Variants in TCHP observed in about 807,000 individuals in gnomAD.
TCHP encodes the protein trichoplein keratin filament binding, also known as trichoplein keratin filament-binding protein.
A neutral mutation model predicts 88.7 loss-of-function variants in TCHP; 81 were observed. That is an observed-to-expected ratio of 0.91 (90% CI 0.76 to 1.10). The LOEUF is 1.10. Ranked by LOEUF, TCHP falls within the 50% of genes least tolerant of loss-of-function variation. TCHP has a pLI of 0.00. For synonymous variants in TCHP, 232 were observed against 232.5 expected (o/e 1.00, Z 0.02); for missense variants, 641 against 632.1 (o/e 1.01, Z -0.15).
intron 5 of TCHP, among the ~76,000 whole-genome samples, chr12:109,907,017 G>T (rs138767627): frequency 6.6e-6 from 1 of 152,266 alleles, no homozygotes; most frequent in Non-Finnish European, 1.5e-5. Flanking sequence ...AGCCTCCCGA[G>T]TAGCTAGGAC....
upstream of TCHP, among the ~76,000 whole-genome samples, chr12:109,895,715 C>A (rs572988174): frequency 6.6e-6 from 1 of 152,116 alleles, no homozygotes; most frequent in African/African-American, 2.4e-5. Context: ...TGGCATTGTG[C>A]GGCTTCCAGT....
chr12:109,894,462 CAAAAAAAA>C, the TCHP span, among the ~76,000 whole-genome samples: 4,530 of 107,864 alleles, frequency 0.042, 160 homozygotes, highest in African/African-American at 0.11. Context: ...GACTCCGTCT[CAAAAAAAA>C]AAAAGAAAAA....
At chr12:109,890,865 C>G in the TCHP span, among the ~76,000 whole-genome samples, 1 of 152,164 alleles carries the variant, frequency 6.6e-6, no homozygotes, top group Non-Finnish European at 1.5e-5. Context: ...TCTCTCAGAC[C>G]AGGCTTTGCC....
At chr12:109,904,814 T>C (rs932054503) in intron 4 of TCHP, 21 bp downstream of exon 4, 7 of 1,601,336 alleles carry the variant, frequency 4.4e-6, no homozygotes, top group East Asian at 2.2e-5. Flanking sequence ...GAGATCTCCA[T>C]TGATTTATCT....
chr12:109,892,962 G>A, the TCHP span, among the ~76,000 whole-genome samples: 8,023 of 152,164 alleles, frequency 0.053, 312 homozygotes, highest in East Asian at 0.12. Flanking sequence ...TCACTATCAC[G>A]CTGGCTCTGC....
Position 109,904,781 on chromosome 12 carries a change from G to T in TCHP, c.444G>T (p.Pro148=), listed in dbSNP as rs139923209. The T allele has an allele frequency of 6.2e-7, 1 of 1,613,254 alleles. No homozygotes were observed. The highest frequency in any genetic ancestry group is 8.5e-7 in the Non-Finnish European group (1 of 1,179,692). The change falls in exon 4 of 13, where the codon CCG becomes CCT. Residue 148 remains proline, a synonymous_variant. Transcript: ENST00000405876. ...ACGAACACTGGAAAAAGAACAACCC[G>T]AAACTTCGAGAGGTGAAAATCAGAG... ...LLYEHWKKNN[P]KLREMELDLH... is the part of the protein sequence containing the mutation.
At chr12:109,900,841 A>C (rs536992494) in intron 1 of TCHP, 1 of 152,408 alleles carries the variant, frequency 6.6e-6, no homozygotes, top group African/African-American at 2.4e-5. Context: ...GAGGACCTCC[A>C]GAATGAGATT....
At chr12:109,913,545 G>A (rs1565913510) in intron 10 of TCHP, among the ~76,000 whole-genome samples, 2 of 152,202 alleles carry the variant, frequency 1.3e-5, no homozygotes, top group Admixed American at 1.3e-4. Flanking sequence ...AGAGCCTCTT[G>A]GTGCCTGAGG....
the TCHP span, among the ~76,000 whole-genome samples, chr12:109,882,417 G>A: frequency 2.1e-5 from 3 of 142,950 alleles, no homozygotes; most frequent in African/African-American, 5.4e-5. Context: ...CAGAGCGAGC[G>A]AGACTCCGTC....
intron 9 of TCHP, among the ~76,000 whole-genome samples, chr12:109,911,619 A>AG (rs2136079356): frequency 6.6e-6 from 1 of 150,942 alleles, no homozygotes; most frequent in East Asian, 2.0e-4. Context: ...CTCAAAAAAA[A>AG]AAAAAAAAAA....
intron 12 of TCHP, 89 bp downstream of exon 12, chr12:109,915,635 C>A: frequency 7.0e-7 from 1 of 1,428,648 alleles, no homozygotes. Flanking sequence ...CGCCCCGCGC[C>A]GGGGTCTGCT....
In TCHP at chr12:109,908,931, G is replaced by A. The variant is rs935299798; in HGVS notation, c.873G>A (p.Glu291=). 1 of 1,614,204 alleles carries A rather than the reference G, an allele frequency of 6.2e-7. No homozygotes were observed. The highest frequency in any genetic ancestry group is 1.3e-5 in the African/African-American group (1 of 75,064). The change falls in exon 8 of 13, where the codon GAG becomes GAA. Residue 291 remains glutamate (E), a synonymous_variant. Transcript: ENST00000405876. ...GCAGACGCACACAGCAGATCCAAGA[G>A]GAGCTGGTAAGTCTGAAGAGACAGC... The part of the protein sequence containing the change: ...QLSRRTQQIQ[E]ELEADRRILQ...
At position 109,917,331 on chromosome 12, in the gene TCHP, A is replaced by G. The variant is rs1230073372; in HGVS notation, c.*708A>G. ...TTACTAAGCCCCAAAACGAACTTCAAACTGGGTGTGGTGGCACGTGCCTTT... is the reference window on the plus strand; with the variant it reads ...TTACTAAGCCCCAAAACGAACTTCAGACTGGGTGTGGTGGCACGTGCCTTT... On this transcript the variant is annotated 3_prime_UTR_variant, in exon 13 of 13. Coordinates refer to ENST00000405876, the MANE Select transcript of TCHP (RefSeq NM_001143852.2). 6.6e-6 allele frequency: 1 copy of G among 152,152 alleles called. No homozygotes were observed. Among genetic ancestry groups the G allele is most frequent in the Non-Finnish European group, 1.5e-5 (1 of 68,048 alleles). The allele number at this position is 152,152 out of a possible 1,614,324, so 9.4% of individuals were successfully genotyped here. A position where few individuals can be genotyped will look rare whatever the true frequency, so the allele number is the denominator to read the frequency against.
intron 4 of TCHP, 97 bp downstream of exon 4, chr12:109,904,890 CAGA>C: frequency 8.6e-7 from 1 of 1,162,732 alleles, no homozygotes; most frequent in East Asian, 2.4e-5. Context: ...CGGGTTGAAA[CAGA>C]GGAGGGAACC....
chr12:109,915,635 C>T (rs549244654), intron 12 of TCHP, 89 bp downstream of exon 12: 72 of 1,428,650 alleles, frequency 5.0e-5, no homozygotes, highest in Non-Finnish European at 5.7e-5. Context: ...CGCCCCGCGC[C>T]GGGGTCTGCT....
At position 109,914,582 on chromosome 12, in the gene TCHP, G is replaced by C; in HGVS notation, c.1275G>C (p.Glu425Asp). Residue 425 changes from glutamate to aspartate, a missense_variant, in exon 11 of 13, where the codon GAG (glutamate) becomes GAC (aspartate). By Grantham distance (45) the Glu-to-Asp change is conservative (BLOSUM62 2). Coordinates refer to ENST00000405876, the MANE Select transcript of TCHP (RefSeq NM_001143852.2). The part of the protein sequence containing the change: ...VRELARREKE[E>D]SEKLKSARKQ... ...AGTTGGCTCGTCGCGAGAAAGAGGA[G>C]AGTGAAAAGCTGAAATCGGCCAGGA... 6.2e-7 allele frequency: 1 copy of C among 1,613,360 alleles called. No individual in the cohort carries two copies. Among genetic ancestry groups the C allele is most frequent in the East Asian group, 2.2e-5 (1 of 44,886 alleles).
chr12:109,906,486 G>A (rs549933063), intron 4 of TCHP, 86 bp from the exon 5 acceptor site: 201 of 1,316,446 alleles, frequency 1.5e-4, no homozygotes, highest in Non-Finnish European at 2.1e-4. Flanking sequence ...CGTTCCCGCA[G>A]GTGGCACAGA....
chr12:109,890,029 T>C, the TCHP span, among the ~76,000 whole-genome samples: 1 of 152,224 alleles, frequency 6.6e-6, no homozygotes, highest in Non-Finnish European at 1.5e-5. Flanking sequence ...AGCCAAGTTT[T>C]GGACATTTTT....
the TCHP span, among the ~76,000 whole-genome samples, chr12:109,894,765 C>CAAAAAA: frequency 2.7e-5 from 2 of 74,164 alleles, no homozygotes; most frequent in Non-Finnish European, 5.5e-5. Flanking sequence ...AACTCTGTCC[C>CAAAAAA]AAAAAAAAAA....
Sources: gnomAD v4.1 joint callset for allele counts (sites outside exome capture counted in the v4.1 genomes callset) on GRCh38, gnomAD v4.1.1 for gene constraint, MANE v1.5 for transcripts, NCBI Gene and HGNC (gene_info 2026-07-23, HGNC 2026-07-21) for gene names.